The following SPPL3 variants were observed in gnomAD, a reference collection of about 807,000 sequenced individuals.
The protein encoded by SPPL3 is signal peptide peptidase-like 3.
A neutral mutation model predicts 42.4 loss-of-function variants in SPPL3; 5 were observed. That is an observed-to-expected ratio of 0.12 (90% confidence interval 0.06 to 0.25). The LOEUF (loss-of-function observed/expected upper bound fraction) is 0.25, where lower values mean the gene tolerates loss of function less well. Among genes scored for constraint, SPPL3 ranks in the 10% least tolerant of loss-of-function variants. SPPL3 has a pLI of 1.00. For synonymous variants in SPPL3, 195 were observed against 181.8 expected (o/e 1.07, Z -0.58); for missense variants, 235 against 489.0 (o/e 0.48, Z 4.90).
At chr12:120,829,734 C>T (rs1871338231) in intron 1 of SPPL3, among the ~76,000 whole-genome samples, 2 of 152,114 alleles carry the variant, frequency 1.3e-5, no homozygotes, top group African/African-American at 4.8e-5. Flanking sequence ...GTGGCTCACA[C>T]CTGCAATCCC....
chr12:120,806,853 A>G (rs73229131), intron 2 of SPPL3, among the ~76,000 whole-genome samples: 58 of 146,210 alleles, frequency 4.0e-4, no homozygotes, highest in East Asian at 1.0e-3. Flanking sequence ...TTAAAAAAAA[A>G]AAAGAAAGAA....
intron 1 of SPPL3, among the ~76,000 whole-genome samples, chr12:120,817,741 C>T (rs1231929223): frequency 6.6e-6 from 1 of 152,206 alleles, no homozygotes; most frequent in African/African-American, 2.4e-5. Flanking sequence ...ACCTACTCTA[C>T]AAGCTCATAA....
chr12:120,770,371 A>G (rs1330436121), intron 6 of SPPL3, among the ~76,000 whole-genome samples: 1 of 151,766 alleles, frequency 6.6e-6, no homozygotes, highest in Non-Finnish European at 1.5e-5. Context: ...AGTCATCTGG[A>G]TTTTTCTGTG....
intron 1 of SPPL3, among the ~76,000 whole-genome samples, chr12:120,830,076 GACAGT>G (rs900148959): frequency 4.1e-4 from 62 of 149,934 alleles, no homozygotes; most frequent in African/African-American, 1.2e-3. Context: ...CCAGTGAAAA[GACAGT>G]TAAGATGGTG....
intron 1 of SPPL3, among the ~76,000 whole-genome samples, chr12:120,862,821 G>A (rs1872649831): frequency 6.6e-6 from 1 of 152,238 alleles, no homozygotes; most frequent in African/African-American, 2.4e-5. Flanking sequence ...GAGGTTGAGG[G>A]AAGGGGTTAT....
intron 1 of SPPL3, among the ~76,000 whole-genome samples, chr12:120,850,154 T>C (rs751602178): frequency 1.7e-4 from 26 of 152,078 alleles, no homozygotes; most frequent in Non-Finnish European, 3.7e-4. Flanking sequence ...TAATGGATGG[T>C]TGGTAAAAGG....
intron 1 of SPPL3, among the ~76,000 whole-genome samples, chr12:120,814,351 G>A (rs995779392): frequency 1.3e-5 from 2 of 152,156 alleles, no homozygotes; most frequent in African/African-American, 4.8e-5. Context: ...AAGGCCACTC[G>A]AGCCTCTCTC....
chr12:120,832,120 C>T (rs143819281), intron 1 of SPPL3, among the ~76,000 whole-genome samples: 63 of 152,244 alleles, frequency 4.1e-4, no homozygotes, highest in African/African-American at 1.4e-3. Context: ...GGGTACTGTG[C>T]TAAATAAGTG....
intron 1 of SPPL3, among the ~76,000 whole-genome samples, chr12:120,864,771 C>T (rs1328924000): frequency 3.3e-5 from 5 of 152,206 alleles, no homozygotes; most frequent in African/African-American, 4.8e-5. Flanking sequence ...TACTTCAACA[C>T]GCAGCAGAAG....
intron 1 of SPPL3, among the ~76,000 whole-genome samples, chr12:120,828,282 T>C (rs1010062865): frequency 6.6e-6 from 1 of 151,846 alleles, no homozygotes; most frequent in Admixed American, 6.6e-5. Flanking sequence ...TGAATGAGGA[T>C]GAAAACAAAA....
At chr12:120,766,489 G>A (rs1328076587) in intron 9 of SPPL3, 117 bp from the exon 10 acceptor site, 3 of 779,642 alleles carry the variant, frequency 3.8e-6, no homozygotes, top group African/African-American at 1.8e-5. Flanking sequence ...TTCTATGGTT[G>A]GGGTGTGAAA....
chr12:120,822,373 T>C (rs1288424025), intron 1 of SPPL3, among the ~76,000 whole-genome samples: 2 of 152,250 alleles, frequency 1.3e-5, no homozygotes, highest in Non-Finnish European at 2.9e-5. Flanking sequence ...ATTAAAAGAT[T>C]ATTCCCTGCC....
intron 1 of SPPL3, among the ~76,000 whole-genome samples, chr12:120,819,087 T>C (rs746494930): frequency 1.2e-4 from 19 of 152,168 alleles, no homozygotes; most frequent in African/African-American, 2.4e-4. Flanking sequence ...AGATGGATAG[T>C]TGGAAAAGAA....
In SPPL3 at chr12:120,764,905, A is replaced by G. The variant is rs1868823077; in HGVS notation, c.*94T>C. ...ACGGCAGTTCCTTAAACACAGGTAC[A>G]TTTCTGAGTACCAGGCCAGCTCTAA... On this transcript the variant is annotated 3_prime_UTR_variant, in exon 11 of 11. Transcript: ENST00000353487. The G allele has an allele frequency of 7.3e-7, 1 of 1,371,794 alleles. No homozygotes were observed. Among genetic ancestry groups the G allele is most frequent in the South Asian group, 1.3e-5 (1 of 75,378 alleles). The allele number at this position is 1,371,794 out of a possible 1,614,324, so 85.0% of individuals were successfully genotyped here. A position where few individuals can be genotyped will look rare whatever the true frequency, so the allele number is the denominator to read the frequency against.
At chr12:120,837,621 G>A (rs1257887503) in intron 1 of SPPL3, among the ~76,000 whole-genome samples, 1 of 152,012 alleles carries the variant, frequency 6.6e-6, no homozygotes, top group African/African-American at 2.4e-5. Context: ...AAGGGAATGC[G>A]ATTCCTGTAA....
At chr12:120,784,645 G>A in intron 3 of SPPL3, 52 bp from the exon 4 acceptor site, 11 of 1,468,376 alleles carry the variant, frequency 7.5e-6, no homozygotes, top group South Asian at 1.3e-5. Flanking sequence ...CAGGCACTGT[G>A]CCTATGCACT....
At chr12:120,766,241 G>A (rs1410778665) in intron 10 of SPPL3, 22 bp downstream of exon 10, 12 of 1,546,238 alleles carry the variant, frequency 7.8e-6, no homozygotes, top group Non-Finnish European at 1.1e-5. Flanking sequence ...TGCTTTCACA[G>A]GTTTATAACT....
chr12:120,840,434 G>A (rs1312117837), intron 1 of SPPL3, among the ~76,000 whole-genome samples: 1 of 152,090 alleles, frequency 6.6e-6, no homozygotes, highest in African/African-American at 2.4e-5. Flanking sequence ...GAATAGGCGA[G>A]TAGATTAACA....
At chr12:120,771,735 A>C (rs1869131293) in intron 6 of SPPL3, among the ~76,000 whole-genome samples, 1 of 152,036 alleles carries the variant, frequency 6.6e-6, no homozygotes, top group African/African-American at 2.4e-5. Flanking sequence ...AGAGCTGTTG[A>C]GAAACTCTTC....
Sources: gnomAD v4.1 joint callset for allele counts (sites outside exome capture counted in the v4.1 genomes callset) on GRCh38, gnomAD v4.1.1 for gene constraint, MANE v1.5 for transcripts, NCBI Gene and HGNC (gene_info 2026-07-23, HGNC 2026-07-21) for gene names.